Variants in C16orf87 observed in about 807,000 individuals in gnomAD.
The protein encoded by C16orf87 is UPF0547 protein C16orf87.
C16orf87 carries 13 observed loss-of-function variants against 21.0 expected under a neutral mutation model. That is an observed-to-expected ratio of 0.62 (90% CI 0.40 to 0.98). The LOEUF is 0.98. C16orf87 is among the 50% of genes least tolerant of loss of function. C16orf87 has a pLI of 0.00. For synonymous variants in C16orf87, 49 were observed against 60.2 expected, an observed-to-expected ratio of 0.81 and a Z score of 0.86; for missense variants, 113 against 180.4, an observed-to-expected ratio of 0.63 and a Z score of 2.14.
At chr16:46,827,699 T>C (rs549564494) in intron 1 of C16orf87, among the ~76,000 whole-genome samples, 3 of 150,814 alleles carry the variant, frequency 2.0e-5, no homozygotes, top group African/African-American at 7.3e-5. Context: ...TCTCCTTCCT[T>C]AGCCTCCTGT....
At chr16:46,819,090 T>C (rs980757645) in intron 2 of C16orf87, among the ~76,000 whole-genome samples, 1 of 152,228 alleles carries the variant, frequency 6.6e-6, no homozygotes, top group African/African-American at 2.4e-5. Context: ...AACAGGGCCT[T>C]TGAGCCCCTA....
rs1474127082 is a variant in C16orf87, at chr16:46,802,186, A to G, written c.*766T>C. 6.6e-6 allele frequency: 1 copy of G among 152,322 alleles called. No individual in the cohort carries two copies. Among genetic ancestry groups the G allele is most frequent in the Non-Finnish European group, 1.5e-5 (1 of 67,936 alleles). 9.4% of individuals were successfully genotyped at this position (152,322 alleles called of 1,614,324 possible). ...AAGAAATATTTTGCATGTAATAAATATATTTCATGTTTAGGTTAACAGGCA... is the reference window on the plus strand; with the variant it reads ...AAGAAATATTTTGCATGTAATAAATGTATTTCATGTTTAGGTTAACAGGCA... On this transcript the variant is annotated 3_prime_UTR_variant, in exon 4 of 4. Transcript: ENST00000285697.
intron 1 of C16orf87, among the ~76,000 whole-genome samples, chr16:46,827,216 T>C (rs757521776): frequency 1.3e-5 from 2 of 152,104 alleles, no homozygotes; most frequent in African/African-American, 4.8e-5. Flanking sequence ...AATAAAAAGT[T>C]CCTTCCCCAC....
intron 3 of C16orf87, 62 bp from the exon 4 acceptor site, chr16:46,803,132 T>G (rs1967826728): frequency 1.4e-6 from 1 of 736,124 alleles, no homozygotes; most frequent in East Asian, 2.6e-5. Context: ...TTTAAATTTT[T>G]TAAAGCTTTC....
At chr16:46,821,612 G>A (rs995171955) in intron 2 of C16orf87, among the ~76,000 whole-genome samples, 1 of 152,104 alleles carries the variant, frequency 6.6e-6, no homozygotes, top group African/African-American at 2.4e-5. Context: ...AAAACTCATC[G>A]CCATGACTTA....
In C16orf87 at chr16:46,831,115, GC is replaced by G; in HGVS notation, c.34del (p.Ala12ProfsTer31). 1 of 1,583,034 alleles carries G rather than the reference GC, an allele frequency of 6.3e-7. No individual in the cohort carries two copies. The highest frequency in any genetic ancestry group is 2.4e-5 in the East Asian group (1 of 42,088). On this transcript the variant is annotated frameshift_variant, in exon 1 of 4. Coordinates refer to ENST00000285697, the MANE Select transcript of C16orf87 (RefSeq NM_001001436.4). LOFTEE classifies it high-confidence loss of function. ...SATRAKKVKM[A>X]TKSCPECDQQ... Reference sequence around the variant, plus strand: ...GTCGCACTCGGGGCATGATTTGGTGGCCATCTTCACTTTCTTGGCTCGAGTT... The same window carrying G: ...GTCGCACTCGGGGCATGATTTGGTGGCATCTTCACTTTCTTGGCTCGAGTT...
At chr16:46,809,491 G>A in intron 3 of C16orf87, 112 bp downstream of exon 3, 1 of 655,354 alleles carries the variant, frequency 1.5e-6, no homozygotes. Context: ...TAAAATATGA[G>A]TTGTGATTTT....
At chr16:46,818,897 A>G (rs897614611) in intron 2 of C16orf87, among the ~76,000 whole-genome samples, 1 of 152,216 alleles carries the variant, frequency 6.6e-6, no homozygotes, top group Non-Finnish European at 1.5e-5. Context: ...CTCACACTTC[A>G]GCTATAACAG....
Position 46,800,339 on chromosome 16 carries a change from CCTTA to C in C16orf87, c.*2609_*2612del, listed in dbSNP as rs1187550243. ...CACAAGAAATAATTTGCACAATTTC[CCTTA>C]CTTTTATATCATTTACATTTAAATA... On this transcript the variant is annotated 3_prime_UTR_variant, in exon 4 of 4. Coordinates refer to ENST00000285697, the MANE Select transcript of C16orf87 (RefSeq NM_001001436.4). 1 of 152,012 alleles carries C rather than the reference CCTTA, an allele frequency of 6.6e-6. No individual in the cohort carries two copies. Among genetic ancestry groups the C allele is most frequent in the Non-Finnish European group, 1.5e-5 (1 of 67,984 alleles). The allele number at this position is 152,012 out of a possible 1,614,324, so 9.4% of individuals were successfully genotyped here.
chr16:46,809,378 AAGGTAAATTT>A (rs1968017073), intron 3 of C16orf87, among the ~76,000 whole-genome samples: 1 of 152,152 alleles, frequency 6.6e-6, no homozygotes, highest in Non-Finnish European at 1.5e-5. Context: ...AGTTTATAGC[AAGGTAAATTT>A]TACCTAACTA....
At chr16:46,809,109 G>A (rs1968008110) in intron 3 of C16orf87, among the ~76,000 whole-genome samples, 1 of 151,384 alleles carries the variant, frequency 6.6e-6, no homozygotes. Context: ...ACTAGCCTGG[G>A]CAACATGGTG....
Position 46,803,068 on chromosome 16 carries a change from T to C in C16orf87, c.349A>G (p.Lys117Glu), listed in dbSNP as rs1967824726. The C allele has an allele frequency of 1.3e-6, 2 of 1,525,604 alleles. No individual in the cohort carries two copies. Among genetic ancestry groups the C allele is most frequent in the African/African-American group, 1.4e-5 (1 of 72,316 alleles). The allele number at this position is 1,525,604 out of a possible 1,614,324, so 94.5% of individuals were successfully genotyped here. ...TAGATGTCAATTTCCTTTTCCTGTT[T>C]CTCTGTTAAAAGAAAAAGGGAAAGT... ...SAKKHEEERE[K>E]QEKEIDIYAN... The change falls in exon 4 of 4, where the codon AAA (lysine) becomes GAA (glutamate). Residue 117 changes from lysine (K) to glutamate (E), a missense_variant and splice_region_variant. Coordinates refer to ENST00000285697, the MANE Select transcript of C16orf87 (RefSeq NM_001001436.4).
chr16:46,815,012 G>A (rs757954140), intron 2 of C16orf87, among the ~76,000 whole-genome samples: 8 of 151,986 alleles, frequency 5.3e-5, no homozygotes, highest in East Asian at 1.9e-4. Flanking sequence ...GTATGGTACC[G>A]ACATAAAGAC....
chr16:46,810,505 C>T (rs1447340288), intron 2 of C16orf87, among the ~76,000 whole-genome samples: 1 of 151,868 alleles, frequency 6.6e-6, no homozygotes, highest in Non-Finnish European at 1.5e-5. Flanking sequence ...AAGATGATAC[C>T]TTGCTTTAAC....
At chr16:46,822,828 T>C (rs2143150650) in intron 2 of C16orf87, among the ~76,000 whole-genome samples, 1 of 152,276 alleles carries the variant, frequency 6.6e-6, no homozygotes, top group Non-Finnish European at 1.5e-5. Context: ...TTCTCCTCTC[T>C]TCATCCCACC....
At chr16:46,818,148 T>A (rs1239065219) in intron 2 of C16orf87, among the ~76,000 whole-genome samples, 1 of 152,064 alleles carries the variant, frequency 6.6e-6, no homozygotes, top group African/African-American at 2.4e-5. Context: ...AGTGCTGGGA[T>A]TATAGGCATG....
chr16:46,827,624 C>T (rs1281430227), intron 1 of C16orf87, among the ~76,000 whole-genome samples: 1 of 151,686 alleles, frequency 6.6e-6, no homozygotes, highest in African/African-American at 2.4e-5. Flanking sequence ...CTCTTGTCCC[C>T]CAGGCTGGAG....
At position 46,802,916 on chromosome 16, in the gene C16orf87, C is replaced by A; in HGVS notation, c.*36G>T. 1 of 989,338 alleles carries A rather than the reference C, an allele frequency of 1.0e-6. No homozygotes were observed. Among genetic ancestry groups the A allele is most frequent in the South Asian group, 1.3e-5 (1 of 76,810 alleles). 61.3% of individuals were successfully genotyped at this position (989,338 alleles called of 1,614,324 possible). A position where few individuals can be genotyped will look rare whatever the true frequency, so the allele number is the denominator to read the frequency against. ...CTGTTTGAGAATTTGCTGATGTTAT[C>A]CTGACAGAAGTTTCAGCAGATTTTG... On this transcript the variant is annotated 3_prime_UTR_variant, in exon 4 of 4. Coordinates refer to ENST00000285697, the MANE Select transcript of C16orf87 (RefSeq NM_001001436.4).
At position 46,801,571 on chromosome 16, in the gene C16orf87, T is replaced by C. The variant is rs544252555; in HGVS notation, c.*1381A>G. ...AAATAGTTGCAGTAGTACCTGCAGA[T>C]AGATACAGGGATTAAAGGAAAAGGA... is the stretch of plus-strand genomic sequence containing the variant. On this transcript the variant is annotated 3_prime_UTR_variant, in exon 4 of 4. Transcript: ENST00000285697. 2 of 152,326 alleles carry C rather than the reference T, an allele frequency of 1.3e-5. No homozygotes were observed. Among genetic ancestry groups the C allele is most frequent in the South Asian group, 2.1e-4 (1 of 4,828 alleles). 9.4% of individuals were successfully genotyped at this position (152,326 alleles called of 1,614,324 possible).
Sources: allele counts gnomAD v4.1 joint callset (sites outside exome capture counted in the v4.1 genomes callset), GRCh38; gene constraint gnomAD v4.1.1; transcripts MANE v1.5; gene names NCBI Gene and HGNC (gene_info 2026-07-23, HGNC 2026-07-21).